The following HYCC1 variants were observed in gnomAD, a reference collection of about 807,000 sequenced individuals.
HYCC1 encodes hyccin PI4KA lipid kinase complex subunit 1.
At chr7:22,913,554 C>G in the HYCC1 span, among the ~76,000 whole-genome samples, 19 of 152,286 alleles carry the variant, frequency 1.2e-4, 1 homozygote, top group African/African-American at 4.6e-4. Flanking sequence ...ATGGCTGGTT[C>G]CCGCCTTAAC....
At chr7:22,925,420 G>A in the HYCC1 span, among the ~76,000 whole-genome samples, 1 of 152,182 alleles carries the variant, frequency 6.6e-6, no homozygotes, top group Non-Finnish European at 1.5e-5. Context: ...CGGCAAAGAA[G>A]TTAAAAACTT....
the HYCC1 span, among the ~76,000 whole-genome samples, chr7:22,959,533 T>A: frequency 1.3e-5 from 2 of 152,150 alleles, no homozygotes; most frequent in Non-Finnish European, 2.9e-5. Flanking sequence ...AGGAAGGTGA[T>A]AATTTCCTTC....
chr7:22,993,812 T>C, the HYCC1 span, among the ~76,000 whole-genome samples: 1 of 152,176 alleles, frequency 6.6e-6, no homozygotes, highest in African/African-American at 2.4e-5. Context: ...TGAATGCAAA[T>C]TGGTACAATA....
chr7:22,932,953 T>C, the HYCC1 span, among the ~76,000 whole-genome samples: 1 of 152,164 alleles, frequency 6.6e-6, no homozygotes, highest in Non-Finnish European at 1.5e-5. Context: ...ATGAAAATAC[T>C]CAGGAAAGAA....
chr7:22,925,740 C>A, the HYCC1 span, among the ~76,000 whole-genome samples: 1 of 152,146 alleles, frequency 6.6e-6, no homozygotes, highest in African/African-American at 2.4e-5. Context: ...AGAATGGAAC[C>A]GAGTTGGAAA....
the HYCC1 span, among the ~76,000 whole-genome samples, chr7:23,009,967 T>A: frequency 0.29 from 44,687 of 151,910 alleles, 6,826 homozygotes; most frequent in East Asian, 0.36. Context: ...TAAGCAATAG[T>A]CAAACTGCTA....
At chr7:22,960,172 G>A in the HYCC1 span, 448 of 1,381,916 alleles carry the variant, frequency 3.2e-4, 4 homozygotes, top group Middle Eastern at 9.0e-4. Flanking sequence ...ATTTACTGAA[G>A]TTAGAAGTTA....
At chr7:22,939,149 C>T in the HYCC1 span, 3 of 152,170 alleles carry the variant, frequency 2.0e-5, no homozygotes, top group East Asian at 1.9e-4. Context: ...CCTCTATTAA[C>T]AGACATTTAG....
the HYCC1 span, among the ~76,000 whole-genome samples, chr7:22,926,919 C>A: frequency 1.3e-5 from 2 of 151,722 alleles, no homozygotes; most frequent in Admixed American, 1.3e-4. Flanking sequence ...CCAAAATTGA[C>A]CACATAGTTG....
the HYCC1 span, chr7:22,964,384 A>C: frequency 2.5e-6 from 3 of 1,186,954 alleles, no homozygotes; most frequent in Admixed American, 3.4e-5. Context: ...AAGAAATTAA[A>C]TGTTTATTTC....
chr7:22,971,170 A>G, the HYCC1 span, among the ~76,000 whole-genome samples: 4 of 151,472 alleles, frequency 2.6e-5, no homozygotes, highest in Admixed American at 2.6e-4. Context: ...TACAAACCAT[A>G]AAATGATTAG....
At chr7:22,915,267 G>C in the HYCC1 span, among the ~76,000 whole-genome samples, 3 of 152,172 alleles carry the variant, frequency 2.0e-5, no homozygotes, top group African/African-American at 7.2e-5. Context: ...GAGAAGAGTT[G>C]CAATTACTTG....
the HYCC1 span, chr7:22,977,418 T>C: frequency 1.9e-6 from 3 of 1,555,360 alleles, no homozygotes; most frequent in South Asian, 1.1e-5. Context: ...TTGTCAACTA[T>C]TTCCTATAGA....
the HYCC1 span, chr7:23,014,083 C>T: frequency 2.1e-6 from 1 of 466,026 alleles, no homozygotes; most frequent in Non-Finnish European, 4.4e-6. Context: ...CCTCCTCTCA[C>T]TGACTGACAA....
At chr7:22,956,999 C>A in the HYCC1 span, among the ~76,000 whole-genome samples, 2 of 151,744 alleles carry the variant, frequency 1.3e-5, no homozygotes, top group Non-Finnish European at 2.9e-5. Flanking sequence ...AAAAAAATGG[C>A]AGATCTATGA....
the HYCC1 span, among the ~76,000 whole-genome samples, chr7:22,985,896 A>C: frequency 1.3e-5 from 2 of 149,972 alleles, no homozygotes; most frequent in African/African-American, 4.9e-5. Flanking sequence ...CTATGTATAC[A>C]TAGTTACATG....
At chr7:22,967,823 C>T in the HYCC1 span, among the ~76,000 whole-genome samples, 8 of 152,142 alleles carry the variant, frequency 5.3e-5, 1 homozygote, top group Admixed American at 3.3e-4. Context: ...GACCACATGA[C>T]GGTGTCATTA....
chr7:23,013,837 G>A, the HYCC1 span: 4 of 432,682 alleles, frequency 9.2e-6, no homozygotes, highest in South Asian at 6.5e-5. Context: ...CCTCGCCGCC[G>A]CCTCGCCCCG....
chr7:22,932,634 A>T, the HYCC1 span, among the ~76,000 whole-genome samples: 2 of 152,090 alleles, frequency 1.3e-5, no homozygotes, highest in Admixed American at 1.3e-4. Context: ...GAGATTTAGG[A>T]CTTTTTTAGT....
Sources: allele counts gnomAD v4.1 joint callset (sites outside exome capture counted in the v4.1 genomes callset), GRCh38; gene constraint gnomAD v4.1.1; transcripts MANE v1.5; gene names NCBI Gene and HGNC (gene_info 2026-07-23, HGNC 2026-07-21).